The following UGGT2 variants were observed in gnomAD, a reference collection of about 807,000 sequenced individuals.
The protein encoded by UGGT2 is UDP-glucose:glycoprotein glucosyltransferase 2.
In UGGT2, 180 loss-of-function variants were observed where a neutral mutation model predicts 192.1. That is an observed-to-expected ratio of 0.94 (90% CI 0.83 to 1.06). UGGT2 has a LOEUF of 1.06. UGGT2 is among the 50% of genes least tolerant of loss of function. The pLI is 0.00. For synonymous variants in UGGT2, 580 were observed against 591.0 expected (o/e 0.98, Z 0.27); for missense variants, 1,849 against 1,795.7 (o/e 1.03, Z -0.54).
chr13:95,883,697 C>T (rs955505151), intron 27 of UGGT2, among the ~76,000 whole-genome samples: 5 of 152,158 alleles, frequency 3.3e-5, no homozygotes, highest in East Asian at 1.9e-4. Flanking sequence ...CCTAGCCATG[C>T]GAAACTGTGA....
At chr13:95,896,853 G>T (rs887269373) in intron 22 of UGGT2, among the ~76,000 whole-genome samples, 9 of 152,068 alleles carry the variant, frequency 5.9e-5, no homozygotes, top group African/African-American at 1.7e-4. Flanking sequence ...TAACATTTGA[G>T]AAATGTGATT....
chr13:95,949,233 T>C (rs2049980293), intron 13 of UGGT2, 102 bp downstream of exon 13: 2 of 1,176,266 alleles, frequency 1.7e-6, no homozygotes, highest in Non-Finnish European at 2.2e-6. Flanking sequence ...AATACTTAAC[T>C]TCCTTACAAC....
chr13:96,021,279 C>T (rs1205903536), intron 4 of UGGT2, among the ~76,000 whole-genome samples: 2 of 152,140 alleles, frequency 1.3e-5, no homozygotes, highest in East Asian at 3.9e-4. Context: ...GATGGACTTT[C>T]CTAATAGTTT....
intron 20 of UGGT2, among the ~76,000 whole-genome samples, chr13:95,908,646 G>A (rs1238689730): frequency 5.4e-5 from 8 of 149,242 alleles, no homozygotes; most frequent in African/African-American, 2.0e-4. Flanking sequence ...ATTCTAACTG[G>A]TGTGAGATGG....
intron 27 of UGGT2, among the ~76,000 whole-genome samples, chr13:95,880,614 T>C (rs758418706): frequency 6.6e-6 from 1 of 152,186 alleles, no homozygotes; most frequent in Admixed American, 6.5e-5. Flanking sequence ...CAGTCAACCA[T>C]GGTCCAAAAA....
intron 38 of UGGT2, among the ~76,000 whole-genome samples, chr13:95,831,823 T>C (rs1357563220): frequency 6.6e-6 from 1 of 151,960 alleles, no homozygotes; most frequent in African/African-American, 2.4e-5. Flanking sequence ...TTTGTTGAGG[T>C]AATTTTCCTT....
chr13:95,962,460 T>C (rs551616648), intron 12 of UGGT2, among the ~76,000 whole-genome samples: 2 of 152,074 alleles, frequency 1.3e-5, no homozygotes, highest in African/African-American at 4.8e-5. Context: ...AATGGATAAA[T>C]TCCTGGACAT....
intron 12 of UGGT2, among the ~76,000 whole-genome samples, chr13:95,969,351 T>TATA (rs1594468496): frequency 6.6e-6 from 1 of 152,348 alleles, no homozygotes; most frequent in East Asian, 1.9e-4. Context: ...TAACCATGAA[T>TATA]ATAACAACTT....
Position 95,860,800 on chromosome 13 carries a change from T to G in UGGT2, c.3728A>C (p.Glu1243Ala), listed in dbSNP as rs745647896. The G allele has an allele frequency of 6.5e-7, 1 of 1,535,366 alleles. No homozygotes were observed. Among genetic ancestry groups the G allele is most frequent in the South Asian group, 1.3e-5 (1 of 74,814 alleles). Residue 1243 changes from glutamate (E) to alanine (A), a missense_variant, in exon 32 of 39, where the codon GAA (glutamate) becomes GCA (alanine). Physicochemically the swap from Glu to Ala is moderately radical, Grantham distance 107. Coordinates refer to ENST00000376747, the MANE Select transcript of UGGT2 (RefSeq NM_020121.4). ...IFSVASGHLY[E>A]RFLRIMMLSV... is the part of the protein sequence containing the mutation. ...AAAATATACCTACCTTAAAAAACGTTCATATAAATGACCAGAAGCAACTGA... is the reference window on the plus strand; with the variant it reads ...AAAATATACCTACCTTAAAAAACGTGCATATAAATGACCAGAAGCAACTGA...
chr13:95,873,292 C>T (rs999256048), intron 29 of UGGT2, among the ~76,000 whole-genome samples: 2 of 152,206 alleles, frequency 1.3e-5, no homozygotes, highest in African/African-American at 4.8e-5. Flanking sequence ...CCATAGCACT[C>T]TTTTATAGCA....
chr13:95,937,478 A>C (rs542556052), intron 16 of UGGT2, among the ~76,000 whole-genome samples: 2 of 152,318 alleles, frequency 1.3e-5, no homozygotes, highest in Non-Finnish European at 2.9e-5. Flanking sequence ...CATTAACTTA[A>C]TAAACATCCA....
chr13:95,847,385 T>A (rs1489466808), intron 36 of UGGT2, among the ~76,000 whole-genome samples: 1 of 152,224 alleles, frequency 6.6e-6, no homozygotes, highest in Non-Finnish European at 1.5e-5. Flanking sequence ...GACAACTGTA[T>A]AATGACATGT....
At chr13:95,978,031 G>C (rs968874699) in intron 10 of UGGT2, among the ~76,000 whole-genome samples, 4 of 152,054 alleles carry the variant, frequency 2.6e-5, no homozygotes, top group Admixed American at 2.0e-4. Context: ...AGGGGGTAGG[G>C]GGCAAGGGGA....
intron 2 of UGGT2, among the ~76,000 whole-genome samples, chr13:96,030,102 G>T (rs924886047): frequency 6.6e-6 from 1 of 152,150 alleles, no homozygotes; most frequent in Non-Finnish European, 1.5e-5. Context: ...AGTGATCGAG[G>T]TTCCTCCACA....
At chr13:95,986,541 C>G in intron 8 of UGGT2, 109 bp from the exon 9 acceptor site, 2 of 742,414 alleles carry the variant, frequency 2.7e-6, no homozygotes, top group Non-Finnish European at 4.3e-6. Flanking sequence ...TATTAGTATA[C>G]AAACATGTTA....
In UGGT2 at chr13:95,822,055, T is replaced by G. The variant is rs571054085; in HGVS notation, c.4528+10872A>C. ...GCTTTAGCTATTCAGGCTCTTTTTT[T>G]GGTTCCATATGAATTTTAGGATTGT... On this transcript the variant is annotated intron_variant, in intron 38 of 38. Transcript: ENST00000376747. 5.3e-5 allele frequency among the ~76,000 whole-genome samples: 8 copies of G among 152,282 alleles called. No homozygotes were observed. The South Asian group carries it at 1.4e-3, about 28-fold the overall frequency.
At chr13:95,903,115 G>T (rs1380928322) in intron 20 of UGGT2, 55 bp from the exon 21 acceptor site, 1 of 1,516,328 alleles carries the variant, frequency 6.6e-7, no homozygotes, top group Non-Finnish European at 8.9e-7. Flanking sequence ...CATTTTACAG[G>T]TGAATATATT....
chr13:96,050,943 G>A (rs2053467756), intron 1 of UGGT2, among the ~76,000 whole-genome samples: 1 of 152,056 alleles, frequency 6.6e-6, no homozygotes, highest in African/African-American at 2.4e-5. Context: ...AAGGATGTAG[G>A]ACTAGAAATA....
chr13:95,829,978 C>T lies in UGGT2; in HGVS notation c.4528+2949G>A, dbSNP rs993856060. On this transcript the variant is annotated intron_variant, in intron 38 of 38. Coordinates refer to ENST00000376747, the MANE Select transcript of UGGT2 (RefSeq NM_020121.4). ...CAGAGCCCTCAGAAATAATACCACA[C>T]ATCTACAACCATCTGATCTTTGACA... Among the ~76,000 whole-genome samples the T allele has an allele frequency of 3.8e-4, 58 of 152,140 alleles. 1 individual carries two copies. Among genetic ancestry groups the T allele is most frequent in the African/African-American group, 1.4e-3 (56 of 41,426 alleles).
Sources: gnomAD v4.1 joint callset for allele counts (sites outside exome capture counted in the v4.1 genomes callset) on GRCh38, gnomAD v4.1.1 for gene constraint, MANE v1.5 for transcripts, NCBI Gene and HGNC (gene_info 2026-07-23, HGNC 2026-07-21) for gene names.